Variants in MPDZ observed in about 807,000 individuals in gnomAD.
The protein encoded by MPDZ is multiple PDZ domain crumbs cell polarity complex component.
A neutral mutation model predicts 239.1 loss-of-function variants in MPDZ; 234 were observed. The observed-to-expected ratio is 0.98, with a 90% confidence interval of 0.88 to 1.09. The LOEUF (loss-of-function observed/expected upper bound fraction) is 1.09, where lower values mean the gene tolerates loss of function less well. Ranked by LOEUF, MPDZ falls within the 50% of genes least tolerant of loss-of-function variation. The pLI, the probability that MPDZ is intolerant of heterozygous loss-of-function variation, is 0.00. For synonymous variants in MPDZ, 1,048 were observed against 881.3 expected, an observed-to-expected ratio of 1.19 and a Z score of -3.35; for missense variants, 3,175 against 2,510.0, an observed-to-expected ratio of 1.26 and a Z score of -5.66.
chr9:13,179,401 C>T (rs534209748), intron 19 of MPDZ, among the ~76,000 whole-genome samples: 10 of 152,136 alleles, frequency 6.6e-5, no homozygotes, highest in Non-Finnish European at 1.3e-4. Flanking sequence ...GAGGTCAAGT[C>T]GCCCTTGTTA....
At chr9:13,245,388 C>T (rs1276075967) in intron 3 of MPDZ, among the ~76,000 whole-genome samples, 3 of 147,442 alleles carry the variant, frequency 2.0e-5, no homozygotes, top group African/African-American at 5.0e-5. Context: ...TTCTTGGCAT[C>T]TAGGGTTCAA....
chr9:13,130,264 A>G (rs1039616645), intron 32 of MPDZ, among the ~76,000 whole-genome samples: 3 of 152,248 alleles, frequency 2.0e-5, no homozygotes, highest in African/African-American at 7.2e-5. Flanking sequence ...AATATAAAAG[A>G]TTAAAAAAAG....
At chr9:13,136,325 C>CTTTTTGTTTTTTTTTTTTTT (rs1946757897) in intron 30 of MPDZ, 143 bp from the exon 31 acceptor site, 1 of 146,224 alleles carries the variant, frequency 6.8e-6, no homozygotes, top group African/African-American at 6.2e-5. Flanking sequence ...CAAACGTTTT[C>CTTTTTGTTTTTTTTTTTTTT]TTTTTTTTTT....
In MPDZ at chr9:13,254,389, A is replaced by C. The variant is rs574217064; in HGVS notation, c.-57-4017T>G. On this transcript the variant is annotated intron_variant, in intron 1 of 46. Coordinates refer to ENST00000319217, the MANE Select transcript of MPDZ (RefSeq NM_001378778.1). ...GAAGCCTCTTTAAATAGTTATTCAAAGTACATTCAAAAACATTGCTTTTAC... is the reference window on the plus strand; with the variant it reads ...GAAGCCTCTTTAAATAGTTATTCAACGTACATTCAAAAACATTGCTTTTAC... Among the ~76,000 whole-genome samples the C allele has an allele frequency of 2.4e-4, 36 of 152,330 alleles. No individual in the cohort carries two copies. The South Asian group carries it at 7.3e-3, about 31-fold the overall frequency.
At chr9:13,197,511 A>G (rs1352104168) in intron 12 of MPDZ, among the ~76,000 whole-genome samples, 1 of 152,124 alleles carries the variant, frequency 6.6e-6, no homozygotes, top group Non-Finnish European at 1.5e-5. Flanking sequence ...TTTATAGGGT[A>G]TATGTGATAT....
intron 19 of MPDZ, 40 bp downstream of exon 19, chr9:13,183,378 A>G: frequency 6.5e-7 from 1 of 1,544,246 alleles, no homozygotes. Flanking sequence ...ATTACACACA[A>G]GACTTTCCTA....
At position 13,160,867 on chromosome 9, in the gene MPDZ, T is replaced by TATATATATATAA. The variant is rs1563931184; in HGVS notation, c.3359+1823_3359+1824insTTATATATATAT. Among the ~76,000 whole-genome samples the TATATATATATAA allele has an allele frequency of 3.9e-5, 5 of 128,702 alleles. No individual in the cohort carries two copies. The South Asian group carries it at 1.3e-3, about 32-fold the overall frequency. 84.4% of individuals were successfully genotyped at this position (128,702 alleles called of 152,430 possible). ...ATATATATATATATATATATATATA[T>TATATATATATAA]ATAAAACAGGTACTTACATAGCTTT... On this transcript the variant is annotated intron_variant, in intron 23 of 46. Coordinates refer to ENST00000319217, the MANE Select transcript of MPDZ (RefSeq NM_001378778.1).
intron 1 of MPDZ, among the ~76,000 whole-genome samples, chr9:13,268,167 T>A (rs974497934): frequency 6.6e-6 from 1 of 150,958 alleles, no homozygotes; most frequent in African/African-American, 2.4e-5. Flanking sequence ...TATATATATA[T>A]ATACACACAT....
chr9:13,199,079 G>A (rs1264117482), intron 12 of MPDZ, among the ~76,000 whole-genome samples: 2 of 151,834 alleles, frequency 1.3e-5, no homozygotes, highest in East Asian at 3.9e-4. Flanking sequence ...GTATGGCAAT[G>A]AATATATAGA....
chr9:13,223,794 G>A (rs1959600662), intron 4 of MPDZ, 84 bp from the exon 5 acceptor site: 1 of 1,403,966 alleles, frequency 7.1e-7, no homozygotes, highest in Non-Finnish European at 9.5e-7. Context: ...CACTTTGGGA[G>A]GCCAAGGTGG....
chr9:13,246,014 A>G (rs768355610), intron 3 of MPDZ, among the ~76,000 whole-genome samples: 3 of 151,162 alleles, frequency 2.0e-5, no homozygotes, highest in Non-Finnish European at 4.4e-5. Flanking sequence ...ATGTTTTCAC[A>G]TAACATATTA....
intron 28 of MPDZ, among the ~76,000 whole-genome samples, chr9:13,138,915 T>C (rs750220365): frequency 6.6e-6 from 1 of 152,220 alleles, no homozygotes; most frequent in Non-Finnish European, 1.5e-5. Flanking sequence ...TGCCCTTTGA[T>C]AGATTAATAA....
intron 22 of MPDZ, among the ~76,000 whole-genome samples, 180 bp from the exon 23 acceptor site, chr9:13,162,975 T>C (rs558331484): frequency 6.0e-4 from 92 of 152,286 alleles, no homozygotes; most frequent in African/African-American, 9.4e-4. Context: ...AAGTATTCTA[T>C]AGGGAAGAGT....
intron 3 of MPDZ, among the ~76,000 whole-genome samples, chr9:13,236,274 T>A (rs1247269522): frequency 0.17 from 4,664 of 27,126 alleles, 1,069 homozygotes; most frequent in Non-Finnish European, 0.3. Flanking sequence ...TATATTTTTT[T>A]TTTTTTTTTT....
At chr9:13,243,271 A>G (rs1290447953) in intron 3 of MPDZ, among the ~76,000 whole-genome samples, 1 of 152,148 alleles carries the variant, frequency 6.6e-6, no homozygotes, top group Non-Finnish European at 1.5e-5. Flanking sequence ...ATATAAGAAT[A>G]TGAGCCTCCA....
At chr9:13,187,742 A>G (rs190723406) in intron 17 of MPDZ, among the ~76,000 whole-genome samples, 95 of 152,342 alleles carry the variant, frequency 6.2e-4, no homozygotes, top group Non-Finnish European at 1.0e-3. Context: ...AATTATATTT[A>G]TGTGTTTGCA....
intron 41 of MPDZ, among the ~76,000 whole-genome samples, chr9:13,113,381 G>A (rs1043242689): frequency 5.9e-5 from 9 of 151,980 alleles, no homozygotes; most frequent in African/African-American, 9.7e-5. Flanking sequence ...ATAAAGTCAT[G>A]GATGCATTAA....
chr9:13,143,406 A>G, intron 27 of MPDZ, 60 bp downstream of exon 27: 1 of 1,272,144 alleles, frequency 7.9e-7, no homozygotes, highest in Admixed American at 1.7e-5. Flanking sequence ...ACACAGTAGT[A>G]ACAAAGAACA....
At chr9:13,279,244 C>CACCCCT (rs1454697461) in intron 1 of MPDZ, 156 bp downstream of exon 1, 2 of 127,464 alleles carry the variant, frequency 1.6e-5, no homozygotes, top group Non-Finnish European at 3.3e-5. Context: ...GGCCCGCCGC[C>CACCCCT]ACCCCTACCC....
Sources: allele counts gnomAD v4.1 joint callset (sites outside exome capture counted in the v4.1 genomes callset), GRCh38; gene constraint gnomAD v4.1.1; transcripts MANE v1.5; gene names NCBI Gene and HGNC (gene_info 2026-07-23, HGNC 2026-07-21).